Variants in SCN10A observed in about 807,000 individuals in gnomAD.
The protein encoded by SCN10A is sodium channel protein type 10 subunit alpha.
Under a neutral mutation model 170.7 loss-of-function variants are expected in SCN10A, and 162 were observed. The observed-to-expected ratio is 0.95, with a 90% CI of 0.84 to 1.08. The LOEUF is 1.08. Among genes scored for constraint, SCN10A ranks in the 50% least tolerant of loss-of-function variants. The pLI is 0.00. For synonymous variants in SCN10A, 985 were observed against 904.6 expected (o/e 1.09, Z -1.59); for missense variants, 2,527 against 2,436.9 (o/e 1.04, Z -0.78).
chr3:38,772,676 A>C (rs545818948), intron 4 of SCN10A, among the ~76,000 whole-genome samples: 1 of 151,424 alleles, frequency 6.6e-6, no homozygotes, highest in East Asian at 1.9e-4. Flanking sequence ...GTGACAGAGC[A>C]AGACTTCGTC....
chr3:38,697,234 G>T lies in SCN10A; in HGVS notation c.*115C>A, dbSNP rs1559404970. ...ATTCCCTGCCCAGTTCTGACATTGT[G>T]ACCAGTGGCATGCATTGGTGAGGCT... is the stretch of plus-strand genomic sequence containing the variant. On this transcript the variant is annotated 3_prime_UTR_variant, in exon 28 of 28. Coordinates refer to ENST00000449082, the MANE Select transcript of SCN10A (RefSeq NM_006514.4). 10 of 1,479,110 alleles carry T rather than the reference G, an allele frequency of 6.8e-6. No homozygotes were observed. Among genetic ancestry groups the T allele is most frequent in the African/African-American group, 1.4e-5 (1 of 71,498 alleles). The allele number at this position is 1,479,110 out of a possible 1,614,324, so 91.6% of individuals were successfully genotyped here.
intron 15 of SCN10A, among the ~76,000 whole-genome samples, chr3:38,730,503 A>G (rs9874633): frequency 0.38 from 57,283 of 152,068 alleles, 12,624 homozygotes; most frequent in African/African-American, 0.63. Flanking sequence ...TGAGTCATCA[A>G]GAGTGAATGA....
chr3:38,808,871 A>G (rs2126066343), intron 1 of SCN10A, among the ~76,000 whole-genome samples: 1 of 152,320 alleles, frequency 6.6e-6, no homozygotes, highest in Non-Finnish European at 1.5e-5. Flanking sequence ...AGTGAAAAGA[A>G]CTATGATTTG....
At chr3:38,729,949 G>A (rs956700953) in intron 15 of SCN10A, among the ~76,000 whole-genome samples, 3 of 152,150 alleles carry the variant, frequency 2.0e-5, no homozygotes, top group African/African-American at 4.8e-5. Context: ...GCGGGTCCAC[G>A]TTCACCTTAC....
chr3:38,756,301 T>TAA lies in SCN10A; in HGVS notation c.1291-345_1291-344dup, dbSNP rs57346275. Among the ~76,000 whole-genome samples the TAA allele has an allele frequency of 8.6e-3, 1,228 of 142,624 alleles. 9 individuals are homozygous for TAA. The highest frequency in any genetic ancestry group is 0.015 in the South Asian group (65 of 4,470). The allele number at this position is 142,624 out of a possible 152,430, so 93.6% of individuals were successfully genotyped here. ...GCTTCTGGGATAGGTATGGGGAGGGTAAAAAAAAAAAGCTGGCCCCCTTGC... is the reference window on the plus strand; with the variant it reads ...GCTTCTGGGATAGGTATGGGGAGGGTAAAAAAAAAAAAAGCTGGCCCCCTTGC... On this transcript the variant is annotated intron_variant, in intron 10 of 27. Coordinates refer to ENST00000449082, the MANE Select transcript of SCN10A (RefSeq NM_006514.4).
chr3:38,759,218 C>T (rs2063841329), intron 8 of SCN10A, among the ~76,000 whole-genome samples: 1 of 152,106 alleles, frequency 6.6e-6, no homozygotes, highest in South Asian at 2.1e-4. Context: ...TCTGCTTTTC[C>T]AAGCTCTCAG....
chr3:38,697,359 G>A lies in SCN10A; in HGVS notation c.5861C>T (p.Pro1954Leu), dbSNP rs1328533509. Residue 1954 changes from proline (P) to leucine (L), a missense_variant, in exon 28 of 28, where the codon CCT (proline) becomes CTT (leucine). By Grantham distance (98) the Pro-to-Leu change is moderately conservative. Transcript: ENST00000449082. ...GCTGGAGTGTTCTCACTAGGGCCCAGGGGCAATCAGCTCCATACTGGTGGC... is the reference window on the plus strand; with the variant it reads ...GCTGGAGTGTTCTCACTAGGGCCCAAGGGCAATCAGCTCCATACTGGTGGC... Reference protein sequence around the residue: ...DEATSMELIAPGP With the variant: ...DEATSMELIALGP 6.2e-7 allele frequency: 1 copy of A among 1,613,578 alleles called. No individual in the cohort carries two copies.
chr3:38,769,967 G>A (rs1254972995), intron 5 of SCN10A, among the ~76,000 whole-genome samples: 1 of 152,216 alleles, frequency 6.6e-6, no homozygotes, highest in Non-Finnish European at 1.5e-5. Flanking sequence ...AGGTGGCAGA[G>A]GAATGAAGTA....
Position 38,812,218 on chromosome 3 carries a change from A to T in SCN10A, c.-33+3819T>A, listed in dbSNP as rs557210767. On this transcript the variant is annotated intron_variant, in intron 1 of 27. Transcript: ENST00000449082. ...CTTGCTTGCTTTCTATATTTTGGGC[A>T]TAGTGCTAAGTATTTTATGAACACT... Among the ~76,000 whole-genome samples the T allele has an allele frequency of 8.5e-5, 13 of 152,374 alleles. No individual in the cohort carries two copies. In the South Asian group the frequency reaches 2.3e-3, roughly 27 times the overall value.
chr3:38,699,261 G>GT (rs1236624743), intron 27 of SCN10A, among the ~76,000 whole-genome samples: 1 of 148,448 alleles, frequency 6.7e-6, no homozygotes, highest in African/African-American at 2.5e-5. Context: ...CTGGAGATAG[G>GT]TTTTTTTGGG....
chr3:38,696,809 C>T lies in SCN10A; in HGVS notation c.*540G>A, dbSNP rs1025932328. 2 of 157,816 alleles carry T rather than the reference C, an allele frequency of 1.3e-5. No homozygotes were observed. The highest frequency in any genetic ancestry group is 4.8e-5 in the African/African-American group (2 of 41,474). The allele number at this position is 157,816 out of a possible 1,614,324, so 9.8% of individuals were successfully genotyped here. On this transcript the variant is annotated 3_prime_UTR_variant, in exon 28 of 28. Coordinates refer to ENST00000449082, the MANE Select transcript of SCN10A (RefSeq NM_006514.4). ...ATGATATAACGCTGGTGTGGACATA[C>T]ATTTAAAAATATTAATTTTAATGGA... is the stretch of plus-strand genomic sequence containing the variant.
intron 11 of SCN10A, among the ~76,000 whole-genome samples, chr3:38,754,733 G>T (rs1457571799): frequency 6.6e-6 from 1 of 152,172 alleles, no homozygotes; most frequent in African/African-American, 2.4e-5. Context: ...GTGCATGCAA[G>T]TGTGTCTGTG....
In SCN10A at chr3:38,712,285, G is replaced by T. The variant is rs1295637022; in HGVS notation, c.3965C>A (p.Pro1322His). Residue 1322 changes from proline to histidine, a missense_variant, in exon 23 of 28, where the codon CCT becomes CAT. Transcript: ENST00000449082. ...AGACTTGTTATTCACAATCGACAAA[G>T]GTACAAGGGAAAACTCTCCATCGGT... ...NYTDGEFSLV[P>H]LSIVNNKSDC... is the part of the protein sequence containing the mutation. 6.2e-7 allele frequency: 1 copy of T among 1,614,162 alleles called. No individual in the cohort carries two copies. Among genetic ancestry groups the T allele is most frequent in the East Asian group, 2.2e-5 (1 of 44,884 alleles).
At chr3:38,806,419 C>T (rs1462097765) in intron 1 of SCN10A, among the ~76,000 whole-genome samples, 1 of 152,102 alleles carries the variant, frequency 6.6e-6, no homozygotes, top group African/African-American at 2.4e-5. Context: ...AACCAAAAAA[C>T]TCAGGATGGT....
chr3:38,709,875 T>C (rs370576142), intron 24 of SCN10A, among the ~76,000 whole-genome samples: 9 of 152,144 alleles, frequency 5.9e-5, no homozygotes, highest in African/African-American at 1.2e-4. Context: ...GTAGAGCACA[T>C]GCAGGATTAT....
In SCN10A at chr3:38,734,052, C is replaced by T. The variant is rs961885966; in HGVS notation, c.2281-5151G>A. 4.7e-5 allele frequency among the ~76,000 whole-genome samples: 7 copies of T among 147,556 alleles called. No homozygotes were observed. The East Asian group carries it at 6.1e-4, about 13-fold the overall frequency. On this transcript the variant is annotated intron_variant, in intron 15 of 27. Transcript: ENST00000449082. ...TATTGTTTTCAATGAGACGGAGTCTCGCTCTGTTGCCCAGGCTGGAGTGCA... is the reference window on the plus strand; with the variant it reads ...TATTGTTTTCAATGAGACGGAGTCTTGCTCTGTTGCCCAGGCTGGAGTGCA...
chr3:38,768,488 T>G (rs753407034), intron 5 of SCN10A, among the ~76,000 whole-genome samples: 3 of 152,234 alleles, frequency 2.0e-5, no homozygotes, highest in Admixed American at 6.5e-5. Context: ...TATCTTGTCT[T>G]CACTTATGAA....
intron 1 of SCN10A, among the ~76,000 whole-genome samples, chr3:38,808,763 G>A (rs1187342899): frequency 6.6e-6 from 1 of 152,176 alleles, no homozygotes; most frequent in Admixed American, 6.5e-5. Flanking sequence ...TGAAGAAAGA[G>A]GAGCTTGATG....
intron 27 of SCN10A, 22 bp downstream of exon 27, chr3:38,701,817 C>T (rs2063158749): frequency 1.9e-6 from 3 of 1,578,340 alleles, no homozygotes; most frequent in East Asian, 2.3e-5. Flanking sequence ...GGGGCTTCCC[C>T]ACCACGTGGC....
Sources: allele counts gnomAD v4.1 joint callset (sites outside exome capture counted in the v4.1 genomes callset), GRCh38; gene constraint gnomAD v4.1.1; transcripts MANE v1.5; gene names NCBI Gene and HGNC (gene_info 2026-07-23, HGNC 2026-07-21).